CDK8: variants seen among roughly 807,000 people sequenced by gnomAD.
CDK8 encodes cyclin-dependent kinase 8.
In CDK8, 29 loss-of-function variants were observed where a neutral mutation model predicts 71.5. That is an observed-to-expected ratio of 0.41 (90% CI 0.30 to 0.55). CDK8 has a LOEUF of 0.55. Ranked by LOEUF, CDK8 falls within the 20% of genes least tolerant of loss-of-function variation. The probability of loss-of-function intolerance (pLI) is 0.37; values close to 1 mark genes in which losing one functional copy is unlikely to be tolerated. For missense variants in CDK8, 288 were observed against 572.6 expected, an observed-to-expected ratio of 0.50 and a Z score of 5.07; for synonymous variants, 161 against 192.1, an observed-to-expected ratio of 0.84 and a Z score of 1.34.
At chr13:26,344,839 C>G (rs1873395151) in intron 2 of CDK8, among the ~76,000 whole-genome samples, 1 of 151,800 alleles carries the variant, frequency 6.6e-6, no homozygotes, top group Non-Finnish European at 1.5e-5. Flanking sequence ...GAAGGACCTG[C>G]CTGAGGATAT....
At chr13:26,361,772 CTTTT>C (rs1424082157) in intron 4 of CDK8, among the ~76,000 whole-genome samples, 3 of 89,872 alleles carry the variant, frequency 3.3e-5, no homozygotes, top group Non-Finnish European at 7.4e-5. Flanking sequence ...TTTTGTCTTT[CTTTT>C]CTTTTCCCTT....
rs559496745 is a variant in CDK8, at chr13:26,367,370, A to G, written c.456+13490A>G. Reference sequence around the variant, plus strand: ...AGGAAGCGATAGAAAATCTTGGGTTATCTATCCTTGAATAATTTTTTTTTT... The same window carrying G: ...AGGAAGCGATAGAAAATCTTGGGTTGTCTATCCTTGAATAATTTTTTTTTT... On this transcript the variant is annotated intron_variant, in intron 4 of 12. Coordinates refer to ENST00000381527, the MANE Select transcript of CDK8 (RefSeq NM_001260.3). 4.0e-5 allele frequency among the ~76,000 whole-genome samples: 6 copies of G among 149,614 alleles called. No homozygotes were observed. In the Admixed American group the frequency reaches 4.1e-4, roughly 10 times the overall value.
intron 5 of CDK8, 116 bp downstream of exon 5, chr13:26,382,987 C>T (rs566887337): frequency 1.8e-5 from 10 of 560,110 alleles, no homozygotes; most frequent in East Asian, 5.8e-5. Flanking sequence ...TCCATATGAT[C>T]GAAGCCATTT....
In CDK8 at chr13:26,374,148, C is replaced by A. The variant is rs377741192; in HGVS notation, c.457-8666C>A. ...CCTGGGAGGCGGAGCTTGCAGTGATCGGAGATCACGCGACTGCACTCCAGC... is the reference window on the plus strand; with the variant it reads ...CCTGGGAGGCGGAGCTTGCAGTGATAGGAGATCACGCGACTGCACTCCAGC... On this transcript the variant is annotated intron_variant, in intron 4 of 12. Transcript: ENST00000381527. Among the ~76,000 whole-genome samples, 32 of 151,736 alleles carry A rather than the reference C, an allele frequency of 2.1e-4. No homozygotes were observed. In the East Asian group the frequency reaches 4.8e-3, roughly 23 times the overall value.
rs1873064460 is a variant in CDK8 at position 26,337,993 on chromosome 13, A to G, written c.204+351A>G. Reference sequence around the variant, plus strand: ...ATTTTAATAGAATGAGACTAATGTCATTAGTTATGTCAAATTAAAATGAGG... The same window carrying G: ...ATTTTAATAGAATGAGACTAATGTCGTTAGTTATGTCAAATTAAAATGAGG... On this transcript the variant is annotated intron_variant, in intron 2 of 12. Transcript: ENST00000381527. 1.3e-5 allele frequency among the ~76,000 whole-genome samples: 2 copies of G among 152,228 alleles called. 1 individual carries two copies. The highest frequency in any genetic ancestry group is 4.2e-4 in the South Asian group (2 of 4,814).
Position 26,401,734 on chromosome 13 carries a change from A to T in CDK8, c.1269+110A>T. ...AATACTGACGTCTGTATACCCAGGG[A>T]AATACATTAACATGAAATGTTACTG... is the stretch of plus-strand genomic sequence containing the variant. On this transcript the variant is annotated intron_variant, in intron 12 of 12. Transcript: ENST00000381527. This position sits in a 1 kb window ranked among gnomAD's most constrained non-coding sequence, Gnocchi z 4.5. 9.2e-7 allele frequency: 1 copy of T among 1,089,618 alleles called. No individual in the cohort carries two copies. The highest frequency in any genetic ancestry group is 1.4e-6 in the Non-Finnish European group (1 of 735,750). The allele number at this position is 1,089,618 out of a possible 1,614,324, so 67.5% of individuals were successfully genotyped here.
intron 1 of CDK8, among the ~76,000 whole-genome samples, chr13:26,305,657 A>T (rs1279309347): frequency 6.6e-6 from 1 of 152,130 alleles, no homozygotes; most frequent in Admixed American, 6.6e-5. Context: ...TTGTCATTCC[A>T]ATATTTTTAA....
intron 9 of CDK8, 97 bp downstream of exon 9, chr13:26,397,322 T>G (rs1876042701): frequency 1.4e-6 from 1 of 707,210 alleles, no homozygotes; most frequent in African/African-American, 1.8e-5. Context: ...GTTACTTAGC[T>G]AGCACTCAGA....
chr13:26,266,206 T>C (rs1031723748), intron 1 of CDK8, among the ~76,000 whole-genome samples: 4 of 152,170 alleles, frequency 2.6e-5, no homozygotes, highest in African/African-American at 9.7e-5. Context: ...CTGTTAAACA[T>C]CTGAGAAGAA....
rs1158965149 is a variant in CDK8, at chr13:26,279,639, A to T, written c.128+24870A>T. On this transcript the variant is annotated intron_variant, in intron 1 of 12. Coordinates refer to ENST00000381527, the MANE Select transcript of CDK8 (RefSeq NM_001260.3). ...TAGTGGCGTAGGGATTCAATTAAAA[A>T]AAGACTAAGGAGACTTACCAACCAA... Among the ~76,000 whole-genome samples, 4 of 152,224 alleles carry T rather than the reference A, an allele frequency of 2.6e-5. No individual in the cohort carries two copies. The East Asian group carries it at 7.7e-4, about 29-fold the overall frequency.
Position 26,307,997 on chromosome 13 carries a change from G to C in CDK8, c.129-29570G>C, listed in dbSNP as rs138978295. Among the ~76,000 whole-genome samples the C allele has an allele frequency of 1.1e-3, 173 of 152,260 alleles. 1 individual carries two copies. Among genetic ancestry groups the C allele is most frequent in the Admixed American group, 1.8e-3 (28 of 15,298 alleles). ...GATGGATGTTTGGATTGTTTGATAA[G>C]CAGATACACAGTTGTTGTTGTTTTT... On this transcript the variant is annotated intron_variant, in intron 1 of 12. Transcript: ENST00000381527.
intron 1 of CDK8, among the ~76,000 whole-genome samples, chr13:26,262,743 G>A (rs891628672): frequency 3.3e-5 from 5 of 152,216 alleles, no homozygotes; most frequent in African/African-American, 1.2e-4. Context: ...AACGTAATTA[G>A]TTTCTGAATC....
chr13:26,315,628 A>G (rs777184971), intron 1 of CDK8, among the ~76,000 whole-genome samples: 126 of 152,198 alleles, frequency 8.3e-4, no homozygotes, highest in Non-Finnish European at 1.5e-3. Flanking sequence ...CTCTCTGTGG[A>G]ACCAATTTAG....
chr13:26,321,957 G>T (rs571379733), intron 1 of CDK8, among the ~76,000 whole-genome samples: 2 of 152,044 alleles, frequency 1.3e-5, no homozygotes, highest in Non-Finnish European at 1.5e-5. Context: ...ATTGCAGAGC[G>T]CATGTGGTGC....
intron 1 of CDK8, among the ~76,000 whole-genome samples, chr13:26,300,773 T>A (rs1364186691): frequency 1.3e-5 from 2 of 152,198 alleles, no homozygotes; most frequent in Non-Finnish European, 2.9e-5. Context: ...AGATATATTA[T>A]TGATTTTTCC....
At chr13:26,284,942 C>CAAAA (rs59801630) in intron 1 of CDK8, among the ~76,000 whole-genome samples, 2 of 145,188 alleles carry the variant, frequency 1.4e-5, no homozygotes, top group African/African-American at 5.1e-5. Flanking sequence ...CAAAAATCCT[C>CAAAA]AAAAAAAAAA....
intron 1 of CDK8, among the ~76,000 whole-genome samples, chr13:26,270,087 T>C (rs7998507): frequency 0.11 from 16,409 of 151,986 alleles, 2,626 homozygotes; most frequent in African/African-American, 0.35. Flanking sequence ...ATACAATTCA[T>C]CTATTTAAAA....
At position 26,258,459 on chromosome 13, in the gene CDK8, G is replaced by A. The variant is rs559035971; in HGVS notation, c.128+3690G>A. Reference sequence around the variant, plus strand: ...TGTAGATATATGGGTGTGTCTGTACGTATATACACAAACATACTTGTGTAT... The same window carrying A: ...TGTAGATATATGGGTGTGTCTGTACATATATACACAAACATACTTGTGTAT... On this transcript the variant is annotated intron_variant, in intron 1 of 12. Coordinates refer to ENST00000381527, the MANE Select transcript of CDK8 (RefSeq NM_001260.3). 2.6e-4 allele frequency among the ~76,000 whole-genome samples: 40 copies of A among 151,080 alleles called. No homozygotes were observed. The South Asian group carries it at 6.3e-3, about 24-fold the overall frequency.
At chr13:26,301,113 A>G (rs1231652922) in intron 1 of CDK8, among the ~76,000 whole-genome samples, 4 of 151,722 alleles carry the variant, frequency 2.6e-5, no homozygotes, top group Non-Finnish European at 5.9e-5. Context: ...TTCTGCAGCT[A>G]GAGAGTATTG....
Sources: gnomAD v4.1 joint callset for allele counts (sites outside exome capture counted in the v4.1 genomes callset) on GRCh38, gnomAD v4.1.1 for gene constraint, Gnocchi (gnomAD v3.1) non-coding constraint, MANE v1.5 for transcripts, NCBI Gene and HGNC (gene_info 2026-07-23, HGNC 2026-07-21) for gene names.